PDZRN3: variants seen among roughly 807,000 people sequenced by gnomAD.
The protein encoded by PDZRN3 is E3 ubiquitin-protein ligase PDZRN3.
PDZRN3 carries 38 observed loss-of-function variants against 85.7 expected under a neutral mutation model. The observed-to-expected ratio is 0.44, with a 90% CI of 0.34 to 0.58. The LOEUF (loss-of-function observed/expected upper bound fraction) is 0.58. Among genes scored for constraint, PDZRN3 ranks in the 20% least tolerant of loss-of-function variants. The pLI, the probability that PDZRN3 is intolerant of heterozygous loss-of-function variation, is 0.01. For missense variants in PDZRN3, 1,629 were observed against 1,506.4 expected, an observed-to-expected ratio of 1.08 and a Z score of -1.35; for synonymous variants, 759 against 638.0, an observed-to-expected ratio of 1.19 and a Z score of -2.86.
intron 3 of PDZRN3, among the ~76,000 whole-genome samples, chr3:73,503,480 C>T (rs1704018797): frequency 6.6e-6 from 1 of 152,196 alleles, no homozygotes; most frequent in African/African-American, 2.4e-5. Flanking sequence ...ATGATTTCTT[C>T]ACTTTAAATC....
At chr3:73,510,377 A>G (rs1704142035) in intron 3 of PDZRN3, among the ~76,000 whole-genome samples, 1 of 152,248 alleles carries the variant, frequency 6.6e-6, no homozygotes, top group African/African-American at 2.4e-5. Context: ...ACACTAGCAC[A>G]TATACACGCA....
chr3:73,514,456 T>G (rs957607578), intron 3 of PDZRN3, among the ~76,000 whole-genome samples: 8 of 151,932 alleles, frequency 5.3e-5, no homozygotes, highest in Admixed American at 2.0e-4. Flanking sequence ...GGAAGGAGAG[T>G]GATACTTAGG....
intron 3 of PDZRN3, among the ~76,000 whole-genome samples, chr3:73,418,128 C>T (rs1340269448): frequency 6.6e-6 from 1 of 152,150 alleles, no homozygotes; most frequent in East Asian, 1.9e-4. Flanking sequence ...CTCACCCTCT[C>T]GACTTCACAG....
intron 3 of PDZRN3, among the ~76,000 whole-genome samples, chr3:73,469,597 G>A (rs573626759): frequency 5.3e-5 from 8 of 152,264 alleles, no homozygotes; most frequent in Non-Finnish European, 7.4e-5. Flanking sequence ...GCCAACTCAC[G>A]TTTAAAGCCT....
intron 3 of PDZRN3, among the ~76,000 whole-genome samples, chr3:73,453,432 A>C (rs1368426832): frequency 1.3e-5 from 2 of 150,718 alleles, no homozygotes; most frequent in African/African-American, 4.9e-5. Flanking sequence ...AACAAAAAAA[A>C]AAAACAAAGA....
chr3:73,465,660 C>T (rs1485834615), intron 3 of PDZRN3, among the ~76,000 whole-genome samples: 2 of 152,178 alleles, frequency 1.3e-5, no homozygotes, highest in Non-Finnish European at 2.9e-5. Flanking sequence ...GCCAGAGAAA[C>T]GATTTTCTTT....
In PDZRN3 at chr3:73,624,517, C is replaced by T; in HGVS notation, c.309G>A (p.Glu103=). 1.4e-6 allele frequency: 2 copies of T among 1,461,680 alleles called. No homozygotes were observed. The highest frequency in any genetic ancestry group is 1.4e-5 in the South Asian group (1 of 73,436). 90.5% of individuals were successfully genotyped at this position (1,461,680 alleles called of 1,614,324 possible). Residue 103 remains glutamate (E), a synonymous_variant, in exon 1 of 10, where the codon GAG becomes GAA. Transcript: ENST00000263666. ...VKLQQLPEHL[E]RCDFAPARCR... ...AGCGCGCGGGCGCGAAGTCGCAGCG[C>T]TCGAGGTGCTCCGGCAGCTGCTGCA...
At chr3:73,454,200 A>G (rs1702932216) in intron 3 of PDZRN3, among the ~76,000 whole-genome samples, 1 of 152,188 alleles carries the variant, frequency 6.6e-6, no homozygotes. Flanking sequence ...ATGTTTCACA[A>G]GAGTTTCCCA....
At chr3:73,498,247 G>C (rs1296772274) in intron 3 of PDZRN3, among the ~76,000 whole-genome samples, 1 of 152,096 alleles carries the variant, frequency 6.6e-6, no homozygotes, top group Non-Finnish European at 1.5e-5. Flanking sequence ...TATCTATCAA[G>C]TCCATCCACA....
intron 3 of PDZRN3, among the ~76,000 whole-genome samples, chr3:73,491,004 C>T (rs1228092050): frequency 6.6e-6 from 1 of 152,200 alleles, no homozygotes; most frequent in Non-Finnish European, 1.5e-5. Context: ...CCAGGCAAGC[C>T]CTCCAAGTTC....
chr3:73,412,635 G>T (rs944236210), intron 3 of PDZRN3, among the ~76,000 whole-genome samples: 3 of 152,186 alleles, frequency 2.0e-5, no homozygotes, highest in African/African-American at 7.2e-5. Flanking sequence ...TAGCACTTGT[G>T]AGCTGTGCTA....
intron 3 of PDZRN3, among the ~76,000 whole-genome samples, chr3:73,405,197 G>A (rs1701828818): frequency 2.0e-5 from 3 of 152,140 alleles, no homozygotes; most frequent in African/African-American, 7.2e-5. Context: ...GTTTATGCTG[G>A]GTCAGAACGT....
chr3:73,581,132 G>T (rs1210782105), intron 3 of PDZRN3, among the ~76,000 whole-genome samples: 1 of 152,204 alleles, frequency 6.6e-6, no homozygotes, highest in African/African-American at 2.4e-5. Context: ...AAAAGCATAA[G>T]CAACATTCCT....
chr3:73,624,263 G>C lies in PDZRN3; in HGVS notation c.563C>G (p.Ala188Gly), dbSNP rs1227164401. ...CTTCTCGCGCTTCCCAGCGCGCAGC[G>C]CCTCCTTCTTGAGCGCCTTGTGCAG... is the stretch of plus-strand genomic sequence containing the variant. ...GALHKALKKE[A>G]LRAGKREKSL... The change falls in exon 1 of 10, where the codon GCG becomes GGG. Residue 188 changes from alanine (A) to glycine (G), a missense_variant. Transcript: ENST00000263666. 5 of 1,433,178 alleles carry C rather than the reference G, an allele frequency of 3.5e-6. No individual in the cohort carries two copies. Among genetic ancestry groups the C allele is most frequent in the Non-Finnish European group, 4.5e-6 (5 of 1,100,478 alleles). 88.8% of individuals were successfully genotyped at this position (1,433,178 alleles called of 1,614,324 possible).
intron 3 of PDZRN3, among the ~76,000 whole-genome samples, chr3:73,497,817 G>A (rs1009712862): frequency 3.7e-5 from 5 of 133,994 alleles, no homozygotes; most frequent in Admixed American, 7.1e-5. Context: ...CCCCGCCCCC[G>A]CCAACAGCTC....
chr3:73,517,359 G>A (rs1024108748), intron 3 of PDZRN3, among the ~76,000 whole-genome samples: 3 of 152,090 alleles, frequency 2.0e-5, no homozygotes, highest in Non-Finnish European at 4.4e-5. Context: ...TTCTTTCTAT[G>A]TGAAAAAAGC....
At chr3:73,471,071 GGGTCTTTACAGA>G (rs951911914) in intron 3 of PDZRN3, among the ~76,000 whole-genome samples, 2 of 152,090 alleles carry the variant, frequency 1.3e-5, no homozygotes, top group South Asian at 4.1e-4. Context: ...TTTGGAAATA[GGGTCTTTACAGA>G]GGCAATTAAG....
intron 3 of PDZRN3, among the ~76,000 whole-genome samples, chr3:73,457,310 T>G (rs888838175): frequency 6.6e-6 from 1 of 152,096 alleles, no homozygotes; most frequent in Non-Finnish European, 1.5e-5. Context: ...TGACCTCAGG[T>G]GATCCACGTG....
At chr3:73,515,105 A>AAAAGCCT (rs1236906954) in intron 3 of PDZRN3, among the ~76,000 whole-genome samples, 4 of 151,848 alleles carry the variant, frequency 2.6e-5, no homozygotes, top group Non-Finnish European at 5.9e-5. Flanking sequence ...CCAAGGACAC[A>AAAAGCCT]AAAGCCTAGG....
Sources: allele counts gnomAD v4.1 joint callset (sites outside exome capture counted in the v4.1 genomes callset), GRCh38; gene constraint gnomAD v4.1.1; transcripts MANE v1.5; gene names NCBI Gene and HGNC (gene_info 2026-07-23, HGNC 2026-07-21).